PHF20L1: variants seen among roughly 807,000 people sequenced by gnomAD.
PHF20L1 encodes the protein PHD finger protein 20-like protein 1.
PHF20L1 carries 44 observed loss-of-function variants against 125.5 expected under a neutral mutation model. The observed-to-expected ratio is 0.35, with a 90% confidence interval of 0.28 to 0.45. The LOEUF (loss-of-function observed/expected upper bound fraction) is 0.45, where lower values mean the gene tolerates loss of function less well. Ranked by LOEUF, PHF20L1 falls within the 20% of genes least tolerant of loss-of-function variation. The probability of loss-of-function intolerance (pLI) is 1.00; values close to 1 mark genes in which losing one functional copy is unlikely to be tolerated. For synonymous variants in PHF20L1, 380 were observed against 403.1 expected, an observed-to-expected ratio of 0.94 and a Z score of 0.69; for missense variants, 1,012 against 1,217.2, an observed-to-expected ratio of 0.83 and a Z score of 2.51.
intron 10 of PHF20L1, 145 bp from the exon 11 acceptor site, chr8:132,816,743 C>T: frequency 1.7e-6 from 1 of 606,022 alleles, no homozygotes; most frequent in Non-Finnish European, 2.8e-6. Flanking sequence ...CTTTGATTAC[C>T]TTTGGAACAT....
At chr8:132,776,697 C>G (rs1829823769) in intron 1 of PHF20L1, among the ~76,000 whole-genome samples, 1 of 152,114 alleles carries the variant, frequency 6.6e-6, no homozygotes, top group Non-Finnish European at 1.5e-5. Flanking sequence ...TCTATTTTGT[C>G]TATTATGAAT....
intron 2 of PHF20L1, among the ~76,000 whole-genome samples, chr8:132,784,878 C>G (rs1429537713): frequency 6.6e-6 from 1 of 152,162 alleles, no homozygotes; most frequent in Non-Finnish European, 1.5e-5. Flanking sequence ...GAAAGTCTGG[C>G]AAGCCTATGC....
chr8:132,818,419 A>G (rs1333894614), intron 12 of PHF20L1: 3 of 151,882 alleles, frequency 2.0e-5, no homozygotes, highest in African/African-American at 7.2e-5. Flanking sequence ...CCCTGAAACC[A>G]TTTTATCCAT....
chr8:132,785,503 G>T (rs1830912691), intron 2 of PHF20L1, among the ~76,000 whole-genome samples: 1 of 152,154 alleles, frequency 6.6e-6, no homozygotes, highest in African/African-American at 2.4e-5. Flanking sequence ...ATTTTTAAAA[G>T]AAATTAACGG....
At chr8:132,839,686 G>T in intron 18 of PHF20L1, 104 bp downstream of exon 18, 2 of 739,408 alleles carry the variant, frequency 2.7e-6, no homozygotes, top group Non-Finnish European at 4.5e-6. Context: ...TTGGAGGAGA[G>T]AACAGGTATT....
At chr8:132,781,779 A>C (rs550915576) in intron 2 of PHF20L1, among the ~76,000 whole-genome samples, 1 of 152,318 alleles carries the variant, frequency 6.6e-6, no homozygotes, top group East Asian at 1.9e-4. Context: ...TAGCTACATA[A>C]GAACACTCAT....
chr8:132,839,651 C>T, intron 18 of PHF20L1, 69 bp downstream of exon 18: 2 of 1,068,418 alleles, frequency 1.9e-6, no homozygotes, highest in Admixed American at 1.8e-5. Flanking sequence ...ACACTGTTGG[C>T]CTTTTGATGG....
At chr8:132,836,761 T>G in intron 16 of PHF20L1, 40 bp downstream of exon 16, 1 of 1,438,940 alleles carries the variant, frequency 6.9e-7, no homozygotes, top group African/African-American at 1.4e-5. Flanking sequence ...GAGTTAGTTG[T>G]TTCAGGTGCT....
chr8:132,819,805 C>A (rs139383359), intron 12 of PHF20L1, among the ~76,000 whole-genome samples: 154 of 151,902 alleles, frequency 1.0e-3, no homozygotes, highest in Non-Finnish European at 1.2e-3. Context: ...TGAAAACATT[C>A]TTTACAGTTC....
chr8:132,798,307 T>C (rs1293932966), intron 4 of PHF20L1, among the ~76,000 whole-genome samples: 1 of 152,044 alleles, frequency 6.6e-6, no homozygotes, highest in African/African-American at 2.4e-5. Flanking sequence ...TTTTCCAGTT[T>C]GTTGTTATTG....
At position 132,824,864 on chromosome 8, in the gene PHF20L1, GT is replaced by G. The variant is rs5895160; in HGVS notation, c.1637-388del. 7.3e-3 allele frequency: 1,946 copies of G among 267,560 alleles called. 1 individual carries two copies. The highest frequency in any genetic ancestry group is 0.016 in the South Asian group (255 of 15,838). The allele number at this position is 267,560 out of a possible 1,614,324, so 16.6% of individuals were successfully genotyped here. A position where few individuals can be genotyped will look rare whatever the true frequency, so the allele number is the denominator to read the frequency against. On this transcript the variant is annotated intron_variant, in intron 13 of 20. Coordinates refer to ENST00000395386, the MANE Select transcript of PHF20L1 (RefSeq NM_016018.5). ...TTATCCAAAGCAAAAAGTCCATCAG[GT>G]TTTTTTTTTTTAAATCTCCTAATTT...
At chr8:132,829,589 C>T (rs974995961) in intron 14 of PHF20L1, among the ~76,000 whole-genome samples, 3 of 152,004 alleles carry the variant, frequency 2.0e-5, no homozygotes, top group Non-Finnish European at 2.9e-5. Context: ...TGTAATCTGA[C>T]AGCATCAGCA....
chr8:132,794,386 A>T, intron 2 of PHF20L1, 24 bp from the exon 3 acceptor site: 1 of 1,482,700 alleles, frequency 6.7e-7, no homozygotes, highest in Non-Finnish European at 9.4e-7. Flanking sequence ...TTTTCTCTTT[A>T]TATGAAGCAT....
intron 6 of PHF20L1, among the ~76,000 whole-genome samples, chr8:132,800,295 A>G (rs1832900072): frequency 2.0e-5 from 3 of 151,750 alleles, no homozygotes; most frequent in Non-Finnish European, 4.4e-5. Flanking sequence ...GCCAAGATAT[A>G]AAACAACTGA....
rs567203557 is a variant in PHF20L1, at chr8:132,776,995, C to G, written c.-37-797C>G. 4.4e-3 allele frequency among the ~76,000 whole-genome samples: 672 copies of G among 152,248 alleles called. 4 individuals are homozygous for G. Among genetic ancestry groups the G allele is most frequent in the African/African-American group, 0.015 (639 of 41,532 alleles). On this transcript the variant is annotated intron_variant, in intron 1 of 20. Coordinates refer to ENST00000395386, the MANE Select transcript of PHF20L1 (RefSeq NM_016018.5). ...ATATAGTACTTTGCATGTGAATGAC[C>G]TAGGGATACATAGGTACTCCTTTGC...
At chr8:132,787,783 T>C (rs925355992) in intron 2 of PHF20L1, among the ~76,000 whole-genome samples, 1 of 152,132 alleles carries the variant, frequency 6.6e-6, no homozygotes, top group Non-Finnish European at 1.5e-5. Flanking sequence ...TAAAGCTTAA[T>C]GTAAATTTAA....
rs760704893 is a variant in PHF20L1, at chr8:132,817,067, G to A, written c.1363G>A (p.Val455Ile). 6.4e-6 allele frequency: 10 copies of A among 1,551,692 alleles called. No homozygotes were observed. The highest frequency in any genetic ancestry group is 1.4e-5 in the African/African-American group (1 of 72,484). ...TTCTCAAAATCAGCAAGAATCTTCA[G>A]TACCAGAGGGTAATGTATATTGATT... ...ISSQNQQESS[V>I]PEVPDVAHLP... Residue 455 changes from valine to isoleucine, a missense_variant, in exon 11 of 21, where the codon GTA becomes ATA. By Grantham distance (29) the Val-to-Ile change is conservative. Around this residue, in one of 7 missense-constraint regions of PHF20L1, gnomAD observed 320 missense variants for 293.8 expected, o/e 1.09. Transcript: ENST00000395386.
chr8:132,816,315 GT>G (rs1432658014), intron 10 of PHF20L1: 1 of 149,228 alleles, frequency 6.7e-6, no homozygotes, highest in African/African-American at 2.5e-5. Flanking sequence ...ATACAAAGTT[GT>G]TTTTGTTCAT....
At chr8:132,800,723 A>T (rs901385973) in intron 6 of PHF20L1, among the ~76,000 whole-genome samples, 7 of 151,592 alleles carry the variant, frequency 4.6e-5, no homozygotes, top group African/African-American at 1.7e-4. Flanking sequence ...ATAAGTCTTA[A>T]TTCTGTTGTT....
Sources: gnomAD v4.1 joint callset for allele counts (sites outside exome capture counted in the v4.1 genomes callset) on GRCh38, gnomAD v4.1.1 for gene constraint, gnomAD v4.1.1 regional missense constraint, MANE v1.5 for transcripts, NCBI Gene and HGNC (gene_info 2026-07-23, HGNC 2026-07-21) for gene names.